CNTNAP2: variants seen among roughly 807,000 people sequenced by gnomAD.
CNTNAP2 encodes the protein contactin-associated protein-like 2.
A neutral mutation model predicts 155.2 loss-of-function variants in CNTNAP2; 98 were observed. That is an observed-to-expected ratio of 0.63 (90% confidence interval 0.54 to 0.75). The LOEUF is 0.75. Ranked by LOEUF, CNTNAP2 falls within the 30% of genes least tolerant of loss-of-function variation. The pLI, the probability that CNTNAP2 is intolerant of heterozygous loss-of-function variation, is 0.00. For synonymous variants in CNTNAP2, 651 were observed against 631.2 expected, an observed-to-expected ratio of 1.03 and a Z score of -0.47; for missense variants, 1,727 against 1,688.1, an observed-to-expected ratio of 1.02 and a Z score of -0.40.
chr7:146,981,761 A>C (rs1798022069), intron 3 of CNTNAP2, among the ~76,000 whole-genome samples: 1 of 152,208 alleles, frequency 6.6e-6, no homozygotes, highest in South Asian at 2.1e-4. Context: ...AGGTATGTCT[A>C]GAAAAGGCTT....
At chr7:146,483,282 A>T (rs796799201) in intron 1 of CNTNAP2, among the ~76,000 whole-genome samples, 773 of 39,792 alleles carry the variant, frequency 0.019, 9 homozygotes, top group East Asian at 0.025. Flanking sequence ...TCTAAAAAAA[A>T]ATATATATAT....
At chr7:148,107,730 T>C (rs138159815) in intron 15 of CNTNAP2, among the ~76,000 whole-genome samples, 1 of 152,306 alleles carries the variant, frequency 6.6e-6, no homozygotes, top group East Asian at 1.9e-4. Flanking sequence ...CAGGAAACAA[T>C]AGAAGGCCCT....
intron 8 of CNTNAP2, among the ~76,000 whole-genome samples, chr7:147,233,918 C>G (rs1226898248): frequency 6.6e-6 from 1 of 151,434 alleles, no homozygotes; most frequent in African/African-American, 2.4e-5. Flanking sequence ...AATTCACTGT[C>G]TTTATTACAT....
intron 3 of CNTNAP2, among the ~76,000 whole-genome samples, chr7:146,870,100 G>T (rs1795276503): frequency 6.6e-6 from 1 of 152,082 alleles, no homozygotes; most frequent in Non-Finnish European, 1.5e-5. Context: ...CTCATAGAAT[G>T]AGTTGGGGAG....
chr7:148,230,789 A>G lies in CNTNAP2; in HGVS notation c.3381+1010A>G, dbSNP rs377652507. On this transcript the variant is annotated intron_variant, in intron 20 of 23. Coordinates refer to ENST00000361727, the MANE Select transcript of CNTNAP2 (RefSeq NM_014141.6). ...ATGCACTGTTTCAGCTTACTGCGCC[A>G]TCAATCAAAGGTGGCATAATAAGGT... 2.6e-5 allele frequency among the ~76,000 whole-genome samples: 4 copies of G among 152,288 alleles called. No homozygotes were observed. In the South Asian group the frequency reaches 8.3e-4, roughly 32 times the overall value.
intron 3 of CNTNAP2, among the ~76,000 whole-genome samples, chr7:146,907,928 T>C (rs990897283): frequency 2.0e-5 from 3 of 152,082 alleles, no homozygotes; most frequent in Non-Finnish European, 2.9e-5. Context: ...GAGACACACA[T>C]AGGCTCAAAA....
chr7:146,506,862 A>G (rs1169999213), intron 1 of CNTNAP2, among the ~76,000 whole-genome samples: 2 of 152,160 alleles, frequency 1.3e-5, no homozygotes, highest in Non-Finnish European at 2.9e-5. Flanking sequence ...CAGCAGTAGC[A>G]CCCTGGCTGG....
chr7:147,705,014 T>A (rs1796290031), intron 13 of CNTNAP2, among the ~76,000 whole-genome samples: 1 of 152,102 alleles, frequency 6.6e-6, no homozygotes, highest in South Asian at 2.1e-4. Flanking sequence ...AAAAACCAAC[T>A]TTTCATTTTG....
At chr7:147,947,021 G>A (rs1047153062) in intron 14 of CNTNAP2, among the ~76,000 whole-genome samples, 1 of 152,136 alleles carries the variant, frequency 6.6e-6, no homozygotes, top group African/African-American at 2.4e-5. Flanking sequence ...CAGGGGAAAT[G>A]AATAAGCCCA....
At chr7:147,408,226 A>G (rs764139748) in intron 10 of CNTNAP2, among the ~76,000 whole-genome samples, 2 of 152,192 alleles carry the variant, frequency 1.3e-5, no homozygotes, top group Non-Finnish European at 2.9e-5. Context: ...AAACGCCAAA[A>G]TCAAAGTATG....
chr7:147,778,079 A>G (rs984493895), intron 13 of CNTNAP2, among the ~76,000 whole-genome samples: 1 of 152,186 alleles, frequency 6.6e-6, no homozygotes, highest in Non-Finnish European at 1.5e-5. Flanking sequence ...TGCAGATAAT[A>G]GGAGCTTCCA....
intron 15 of CNTNAP2, among the ~76,000 whole-genome samples, chr7:148,047,610 G>A (rs1338703997): frequency 6.6e-6 from 1 of 152,168 alleles, no homozygotes; most frequent in Non-Finnish European, 1.5e-5. Context: ...ACATTTGTTT[G>A]CAGTATGAGC....
chr7:147,171,622 A>C (rs1363322747), intron 8 of CNTNAP2, among the ~76,000 whole-genome samples: 2 of 152,214 alleles, frequency 1.3e-5, no homozygotes. Context: ...TAAATCATGT[A>C]GTTGGTTCAG....
intron 11 of CNTNAP2, among the ~76,000 whole-genome samples, chr7:147,532,908 A>C (rs1242507702): frequency 6.6e-6 from 1 of 152,194 alleles, no homozygotes; most frequent in Non-Finnish European, 1.5e-5. Context: ...ATTCTGGGAG[A>C]TACAACTCAA....
chr7:148,380,177 C>G (rs1281855376), intron 21 of CNTNAP2, among the ~76,000 whole-genome samples: 3 of 86,456 alleles, frequency 3.5e-5, no homozygotes, highest in Non-Finnish European at 6.9e-5. Context: ...CAAATAACAC[C>G]TTACCCAAGA....
chr7:148,103,659 G>C (rs144933413), intron 15 of CNTNAP2, among the ~76,000 whole-genome samples: 116 of 152,200 alleles, frequency 7.6e-4, no homozygotes, highest in Middle Eastern at 6.8e-3. Context: ...AGCAACAAAG[G>C]CCACCAGTTG....
intron 15 of CNTNAP2, among the ~76,000 whole-genome samples, chr7:148,106,459 C>G (rs533217701): frequency 1.4e-5 from 2 of 147,936 alleles, no homozygotes; most frequent in Non-Finnish European, 3.0e-5. Context: ...GTCACCCCCA[C>G]CCCCATGGCA....
At chr7:147,421,257 G>A (rs192373972) in intron 10 of CNTNAP2, among the ~76,000 whole-genome samples, 4 of 151,960 alleles carry the variant, frequency 2.6e-5, no homozygotes, top group Admixed American at 2.0e-4. Context: ...TAATAACCAC[G>A]TTTCTGCTAG....
intron 13 of CNTNAP2, among the ~76,000 whole-genome samples, chr7:147,709,787 A>C (rs948102642): frequency 2.8e-4 from 43 of 152,288 alleles, no homozygotes; most frequent in African/African-American, 1.0e-3. Context: ...TGAATTATTC[A>C]TCTTTAGCAC....
Sources: gnomAD v4.1 joint callset for allele counts (sites outside exome capture counted in the v4.1 genomes callset) on GRCh38, gnomAD v4.1.1 for gene constraint, MANE v1.5 for transcripts, NCBI Gene and HGNC (gene_info 2026-07-23, HGNC 2026-07-21) for gene names.